GOLM1: variants seen among roughly 807,000 people sequenced by gnomAD.
GOLM1 encodes golgi membrane protein 1.
GOLM1 carries 31 observed loss-of-function variants against 50.5 expected under a neutral mutation model. That is an observed-to-expected ratio of 0.61 (90% confidence interval 0.46 to 0.83). The LOEUF is 0.83. Among genes scored for constraint, GOLM1 ranks in the 40% least tolerant of loss-of-function variants. GOLM1 has a pLI of 0.00. For synonymous variants in GOLM1, 178 were observed against 192.8 expected (o/e 0.92, Z 0.64); for missense variants, 491 against 501.3 (o/e 0.98, Z 0.20).
intron 4 of GOLM1, among the ~76,000 whole-genome samples, chr9:86,047,036 C>T (rs77736593): frequency 0.015 from 2,322 of 152,098 alleles, 60 homozygotes; most frequent in African/African-American, 0.047. Flanking sequence ...ACCCTGCCCT[C>T]GGCCACCAGG....
chr9:86,066,739 C>A (rs1008808162), intron 3 of GOLM1, among the ~76,000 whole-genome samples: 5 of 151,916 alleles, frequency 3.3e-5, no homozygotes, highest in Non-Finnish European at 7.4e-5. Flanking sequence ...CAAAAATGAA[C>A]ACAATAGCAG....
At chr9:86,094,537 T>C (rs1365645218) in intron 1 of GOLM1, among the ~76,000 whole-genome samples, 1 of 152,174 alleles carries the variant, frequency 6.6e-6, no homozygotes, top group African/African-American at 2.4e-5. Flanking sequence ...TGGTAGGTAG[T>C]AGAAACACCA....
intron 3 of GOLM1, among the ~76,000 whole-genome samples, 197 bp from the exon 4 acceptor site, chr9:86,052,788 C>T (rs1347616523): frequency 6.6e-6 from 1 of 152,112 alleles, no homozygotes; most frequent in Non-Finnish European, 1.5e-5. Context: ...ATCCGCTCCC[C>T]ACCACCGCCT....
chr9:86,042,084 T>TG (rs1833373756), intron 5 of GOLM1, among the ~76,000 whole-genome samples: 1 of 152,112 alleles, frequency 6.6e-6, no homozygotes, highest in South Asian at 2.1e-4. Context: ...GCCACTGCAC[T>TG]CCAGCCTGGG....
In GOLM1 at chr9:86,046,584, G is replaced by A. The variant is rs768757816; in HGVS notation, c.365-12C>T. On this transcript the variant is annotated splice_polypyrimidine_tract_variant and intron_variant, in intron 4 of 9. Coordinates refer to ENST00000388712, the MANE Select transcript of GOLM1 (RefSeq NM_016548.4). ...GGTCTTTAACTGGTCTACACCAAGG[G>A]GACAAGGAATTGCACAGGTCACCGG... 54 of 1,560,154 alleles carry A rather than the reference G, an allele frequency of 3.5e-5. No homozygotes were observed. The highest frequency in any genetic ancestry group is 4.6e-5 in the Non-Finnish European group (52 of 1,134,266).
At chr9:86,050,824 T>A (rs1833723023) in intron 4 of GOLM1, among the ~76,000 whole-genome samples, 1 of 152,218 alleles carries the variant, frequency 6.6e-6, no homozygotes, top group Non-Finnish European at 1.5e-5. Flanking sequence ...GCTCCTGGAT[T>A]CATTGATTTT....
At chr9:86,049,703 T>C (rs1015292980) in intron 4 of GOLM1, among the ~76,000 whole-genome samples, 1 of 152,240 alleles carries the variant, frequency 6.6e-6, no homozygotes, top group African/African-American at 2.4e-5. Context: ...TTGTGATTTT[T>C]GCACATTGAT....
rs891247318 is a variant in GOLM1 at position 86,040,727 on chromosome 9, T to C, written c.597+12A>G. The C allele has an allele frequency of 6.2e-7, 1 of 1,604,308 alleles. No individual in the cohort carries two copies. The highest frequency in any genetic ancestry group is 8.5e-7 in the Non-Finnish European group (1 of 1,177,310). On this transcript the variant is annotated intron_variant, in intron 6 of 9. Transcript: ENST00000388712. ...ACCTTCTAGAAACTCTTGGCAAAAA[T>C]TCCCCAGTTACCTGCTGTCTCTGGT...
At chr9:86,035,767 C>A in intron 7 of GOLM1, 142 bp from the exon 8 acceptor site, 1 of 691,356 alleles carries the variant, frequency 1.4e-6, no homozygotes, top group Non-Finnish European at 2.4e-6. Context: ...CACAGGAGAA[C>A]AACCAGGTAG....
intron 6 of GOLM1, among the ~76,000 whole-genome samples, chr9:86,040,398 T>C (rs771304298): frequency 6.6e-6 from 1 of 152,218 alleles, no homozygotes; most frequent in Non-Finnish European, 1.5e-5. Flanking sequence ...TGATGGGCTC[T>C]ACCACTGACC....
At chr9:86,045,310 C>T (rs547317269) in intron 5 of GOLM1, among the ~76,000 whole-genome samples, 24 of 151,444 alleles carry the variant, frequency 1.6e-4, no homozygotes, top group African/African-American at 5.1e-4. Context: ...GAGATTGCAC[C>T]GCTGCACTCC....
rs1324806308 is a variant in GOLM1, at chr9:86,027,064, T to A, written c.*753A>T. 1 of 985,290 alleles carries A rather than the reference T, an allele frequency of 1.0e-6. No homozygotes were observed. 61.0% of individuals were successfully genotyped at this position (985,290 alleles called of 1,614,324 possible). ...TCAAAAACCTAATCTGCTTCTTGCT[T>A]TTCTTGGTAATATATATTTAGGGAA... On this transcript the variant is annotated 3_prime_UTR_variant, in exon 10 of 10. Coordinates refer to ENST00000388712, the MANE Select transcript of GOLM1 (RefSeq NM_016548.4).
chr9:86,094,902 G>C (rs1280423373), intron 1 of GOLM1, among the ~76,000 whole-genome samples: 1 of 152,062 alleles, frequency 6.6e-6, no homozygotes, highest in Non-Finnish European at 1.5e-5. Context: ...TGACCAACAT[G>C]GAGAAACCCT....
At chr9:86,044,962 AAG>A (rs1833486938) in intron 5 of GOLM1, among the ~76,000 whole-genome samples, 1 of 151,996 alleles carries the variant, frequency 6.6e-6, no homozygotes, top group South Asian at 2.1e-4. Context: ...TCAAAAAAAA[AAG>A]AGGCTATAGC....
intron 3 of GOLM1, among the ~76,000 whole-genome samples, chr9:86,062,809 C>T (rs964828935): frequency 5.3e-5 from 8 of 152,124 alleles, no homozygotes; most frequent in Non-Finnish European, 8.8e-5. Context: ...CTAACCTACA[C>T]GTGACTTGGG....
intron 4 of GOLM1, among the ~76,000 whole-genome samples, chr9:86,048,992 A>G (rs1296963508): frequency 1.3e-5 from 2 of 152,124 alleles, no homozygotes; most frequent in African/African-American, 4.8e-5. Context: ...TTTCTTCTAG[A>G]GTTTTTATGG....
chr9:86,051,913 C>T (rs576570427), intron 4 of GOLM1, among the ~76,000 whole-genome samples: 2 of 152,198 alleles, frequency 1.3e-5, no homozygotes, highest in African/African-American at 4.8e-5. Context: ...TAATGCAAGT[C>T]ATATAAGGAA....
At chr9:86,043,554 G>A (rs555051055) in intron 5 of GOLM1, among the ~76,000 whole-genome samples, 1 of 152,174 alleles carries the variant, frequency 6.6e-6, no homozygotes, top group African/African-American at 2.4e-5. Flanking sequence ...TCTCTAAAAG[G>A]GCCTATAATC....
intron 3 of GOLM1, among the ~76,000 whole-genome samples, chr9:86,053,598 A>C (rs1490320351): frequency 2.1e-5 from 1 of 46,974 alleles, no homozygotes; most frequent in African/African-American, 1.7e-4. Flanking sequence ...ACACCACTCC[A>C]CACACACATC....
Sources: gnomAD v4.1 joint callset for allele counts (sites outside exome capture counted in the v4.1 genomes callset) on GRCh38, gnomAD v4.1.1 for gene constraint, MANE v1.5 for transcripts, NCBI Gene and HGNC (gene_info 2026-07-23, HGNC 2026-07-21) for gene names.